Variants in TNS3 observed in about 807,000 individuals in gnomAD.
TNS3 encodes the protein tensin-3.
A neutral mutation model predicts 140.9 loss-of-function variants in TNS3; 45 were observed. The ratio of observed to expected loss-of-function variants is 0.32; its 90% confidence interval spans 0.25 to 0.41. The LOEUF is 0.41. TNS3 is among the 10% of genes least tolerant of loss of function. The pLI, the probability that TNS3 is intolerant of heterozygous loss-of-function variation, is 1.00. For synonymous variants in TNS3, 815 were observed against 788.4 expected, an observed-to-expected ratio of 1.03 and a Z score of -0.56; for missense variants, 1,716 against 1,906.7, an observed-to-expected ratio of 0.90 and a Z score of 1.86.
At position 47,396,838 on chromosome 7, in the gene TNS3, C is replaced by A. The variant is rs143025033; in HGVS notation, c.986G>T (p.Arg329Leu). 9 of 1,614,068 alleles carry A rather than the reference C, an allele frequency of 5.6e-6. No homozygotes were observed. The highest frequency in any genetic ancestry group is 3.3e-4 in the Middle Eastern group (2 of 6,082). Reference sequence around the variant, plus strand: ...ACTGAGGTTCTCGTACGAGTCCCAGCGTATCAGTGGGTCTGTTGTGTTGTA... The same window carrying A: ...ACTGAGGTTCTCGTACGAGTCCCAGAGTATCAGTGGGTCTGTTGTGTTGTA... ...VDYNTTDPLI[R>L]WDSYENLSAD... is the part of the protein sequence containing the mutation. Residue 329 changes from arginine to leucine, a missense_variant, in exon 16 of 31, where the codon CGC becomes CTC. Arg to Leu is a moderately radical substitution (Grantham distance 102). Around this residue, in one of 3 missense-constraint regions of TNS3, gnomAD observed 1,163 missense variants for 1,182.1 expected, o/e 0.98. Transcript: ENST00000311160.
chr7:47,494,405 A>G (rs139411178), intron 3 of TNS3, among the ~76,000 whole-genome samples: 170 of 152,318 alleles, frequency 1.1e-3, no homozygotes, highest in African/African-American at 4.0e-3. Flanking sequence ...CCTCTGAAAA[A>G]GCGAAAGGTT....
chr7:47,530,657 C>T (rs1799357956), intron 1 of TNS3, among the ~76,000 whole-genome samples: 2 of 150,520 alleles, frequency 1.3e-5, no homozygotes, highest in South Asian at 4.3e-4. Flanking sequence ...AACCCCGTGT[C>T]TACTAAAAAT....
intron 23 of TNS3, among the ~76,000 whole-genome samples, chr7:47,299,164 C>A (rs1018721774): frequency 1.3e-5 from 2 of 152,194 alleles, no homozygotes; most frequent in Non-Finnish European, 2.9e-5. Context: ...GAGATAGGCT[C>A]TCTCACTCTG....
chr7:47,401,467 G>A (rs759298286), intron 13 of TNS3, among the ~76,000 whole-genome samples: 2 of 152,180 alleles, frequency 1.3e-5, no homozygotes, highest in Non-Finnish European at 2.9e-5. Context: ...CAAAGAAGGA[G>A]GAAGGGAGAG....
chr7:47,452,192 A>G (rs1796044691), intron 4 of TNS3, among the ~76,000 whole-genome samples: 1 of 152,268 alleles, frequency 6.6e-6, no homozygotes, highest in South Asian at 2.1e-4. Context: ...ACAAGTTATT[A>G]GGATCCCCCT....
chr7:47,535,541 G>C lies in TNS3; in HGVS notation c.-264-6394C>G, dbSNP rs532040170. Among the ~76,000 whole-genome samples the C allele has an allele frequency of 2.7e-3, 418 of 152,334 alleles. 3 individuals carry two copies. The highest frequency in any genetic ancestry group is 9.7e-3 in the African/African-American group (404 of 41,574). ...TACTGTGCTTTCATTTCTCCCAAAGGGGGAGAGGAGGCAGCAATGCTGAAG... is the reference window on the plus strand; with the variant it reads ...TACTGTGCTTTCATTTCTCCCAAAGCGGGAGAGGAGGCAGCAATGCTGAAG... On this transcript the variant is annotated intron_variant, in intron 1 of 30. Transcript: ENST00000311160.
chr7:47,555,655 A>G (rs1019582891), intron 1 of TNS3, among the ~76,000 whole-genome samples: 8 of 152,232 alleles, frequency 5.3e-5, no homozygotes, highest in African/African-American at 1.9e-4. Context: ...GTCCAAAGCC[A>G]TGAACTTGTA....
intron 3 of TNS3, among the ~76,000 whole-genome samples, chr7:47,486,158 ATGTG>A (rs1163448849): frequency 1.3e-5 from 2 of 151,964 alleles, no homozygotes; most frequent in African/African-American, 4.8e-5. Context: ...TTTTGTGTGA[ATGTG>A]TGTAAGTTTG....
intron 4 of TNS3, among the ~76,000 whole-genome samples, chr7:47,473,274 A>T (rs1317758045): frequency 6.6e-6 from 1 of 152,176 alleles, no homozygotes; most frequent in African/African-American, 2.4e-5. Flanking sequence ...CAAATGGAAC[A>T]CCTGGATGCT....
At chr7:47,379,885 C>T (rs1791642223) in intron 16 of TNS3, among the ~76,000 whole-genome samples, 1 of 152,246 alleles carries the variant, frequency 6.6e-6, no homozygotes, top group East Asian at 1.9e-4. Flanking sequence ...GAGCTGCTTG[C>T]TCACGCTTTC....
chr7:47,352,603 T>C (rs779513116), intron 17 of TNS3, among the ~76,000 whole-genome samples: 2 of 152,196 alleles, frequency 1.3e-5, no homozygotes, highest in Non-Finnish European at 2.9e-5. Context: ...CGCTGGCTGT[T>C]CCTGGAGGTC....
chr7:47,399,718 A>G (rs922857930), intron 15 of TNS3, among the ~76,000 whole-genome samples: 1 of 152,256 alleles, frequency 6.6e-6, no homozygotes, highest in African/African-American at 2.4e-5. Flanking sequence ...GAAACCATAA[A>G]AAGTCTAGAA....
chr7:47,296,510 T>C (rs1291376534), intron 24 of TNS3, among the ~76,000 whole-genome samples: 1 of 152,192 alleles, frequency 6.6e-6, no homozygotes, highest in Non-Finnish European at 1.5e-5. Context: ...CAAAAGTCAT[T>C]ATGGTTTTTG....
rs566818352 is a variant in TNS3 at position 47,366,758 on chromosome 7, G to A, written c.2281+1607C>T. 5.9e-5 allele frequency among the ~76,000 whole-genome samples: 9 copies of A among 152,046 alleles called. 1 individual carries two copies. The highest frequency in any genetic ancestry group is 1.7e-4 in the African/African-American group (7 of 41,444). ...ACCTGGGCAGGCCACATAATCTACT[G>A]ACACCTCCATCAACACGACTGTAAG... On this transcript the variant is annotated intron_variant, in intron 17 of 30. Transcript: ENST00000311160.
intron 20 of TNS3, among the ~76,000 whole-genome samples, chr7:47,315,056 A>G (rs1319091178): frequency 6.6e-6 from 1 of 152,236 alleles, no homozygotes; most frequent in Non-Finnish European, 1.5e-5. Context: ...CAGAGGCCAC[A>G]CAGGGATGCT....
chr7:47,526,917 T>A (rs1799213591), intron 2 of TNS3, among the ~76,000 whole-genome samples: 1 of 152,120 alleles, frequency 6.6e-6, no homozygotes, highest in Admixed American at 6.5e-5. Flanking sequence ...GGAGTCAAAG[T>A]TAGAGACCAA....
chr7:47,373,390 A>G (rs1489512975), intron 16 of TNS3, among the ~76,000 whole-genome samples: 4 of 152,234 alleles, frequency 2.6e-5, no homozygotes, highest in African/African-American at 9.6e-5. Flanking sequence ...ATATGGACAT[A>G]AAGTACCCAG....
chr7:47,492,679 T>C (rs60838105), intron 3 of TNS3, among the ~76,000 whole-genome samples: 10,639 of 152,316 alleles, frequency 0.07, 1,180 homozygotes, highest in African/African-American at 0.23. Context: ...TTTTGTAATA[T>C]CCTCTTCTTA....
intron 1 of TNS3, chr7:47,539,343 C>CAG (rs754363136): frequency 6.4e-5 from 22 of 343,396 alleles, no homozygotes; most frequent in Non-Finnish European, 1.2e-4. Flanking sequence ...TCCCACACTT[C>CAG]GTTACTAGTA....
Sources: gnomAD v4.1 joint callset for allele counts (sites outside exome capture counted in the v4.1 genomes callset) on GRCh38, gnomAD v4.1.1 for gene constraint, gnomAD v4.1.1 regional missense constraint, MANE v1.5 for transcripts, NCBI Gene and HGNC (gene_info 2026-07-23, HGNC 2026-07-21) for gene names.